Variants in GRM5 observed in about 807,000 individuals in gnomAD.
The protein encoded by GRM5 is metabotropic glutamate receptor 5.
A neutral mutation model predicts 83.1 loss-of-function variants in GRM5; 19 were observed. The ratio of observed to expected loss-of-function variants is 0.23; its 90% confidence interval spans 0.16 to 0.34. The LOEUF (loss-of-function observed/expected upper bound fraction) is 0.34, where lower values mean the gene tolerates loss of function less well. Among genes scored for constraint, GRM5 ranks in the 10% least tolerant of loss-of-function variants. GRM5 has a pLI of 1.00. For synonymous variants in GRM5, 675 were observed against 633.6 expected (o/e 1.07, Z -0.98); for missense variants, 1,160 against 1,588.3 (o/e 0.73, Z 4.58).
chr11:88,940,005 T>G (rs1291566275), intron 2 of GRM5, among the ~76,000 whole-genome samples: 1 of 151,902 alleles, frequency 6.6e-6, no homozygotes, highest in East Asian at 1.9e-4. Context: ...GATTGTAGAA[T>G]GTCTTTTATA....
intron 2 of GRM5, among the ~76,000 whole-genome samples, chr11:89,013,148 G>A (rs746295020): frequency 7.2e-5 from 11 of 152,240 alleles, no homozygotes; most frequent in South Asian, 2.1e-4. Context: ...AAGATAGCAC[G>A]TCGTGTTGCT....
At chr11:88,986,669 T>C (rs1465154853) in intron 2 of GRM5, among the ~76,000 whole-genome samples, 2 of 152,056 alleles carry the variant, frequency 1.3e-5, no homozygotes, top group African/African-American at 2.4e-5. Context: ...ATTTTGTTGC[T>C]TGTTTCCTTT....
At chr11:88,889,721 G>A (rs1945108457) in intron 2 of GRM5, among the ~76,000 whole-genome samples, 1 of 152,034 alleles carries the variant, frequency 6.6e-6, no homozygotes, top group Non-Finnish European at 1.5e-5. Flanking sequence ...TTTCTCAGTT[G>A]ACTAAATCAT....
At chr11:88,711,016 G>A (rs1278224826) in intron 3 of GRM5, among the ~76,000 whole-genome samples, 1 of 152,042 alleles carries the variant, frequency 6.6e-6, no homozygotes, top group Non-Finnish European at 1.5e-5. Flanking sequence ...GGAAATTTGA[G>A]GAAGATAAAT....
chr11:88,811,881 C>T lies in GRM5; in HGVS notation c.911+38025G>A, dbSNP rs561210841. 1.3e-4 allele frequency among the ~76,000 whole-genome samples: 20 copies of T among 152,162 alleles called. 1 individual carries two copies. Among genetic ancestry groups the T allele is most frequent in the African/African-American group, 4.3e-4 (18 of 41,536 alleles). ...CCCAGAGCTCAGTGGTACAAATTTACAGCACCTATCAGTGATAACAGCCAG... is the reference window on the plus strand; with the variant it reads ...CCCAGAGCTCAGTGGTACAAATTTATAGCACCTATCAGTGATAACAGCCAG... On this transcript the variant is annotated intron_variant, in intron 3 of 9. Coordinates refer to ENST00000305447, the MANE Select transcript of GRM5 (RefSeq NM_001143831.3).
At chr11:88,961,932 C>T (rs1040050702) in intron 2 of GRM5, among the ~76,000 whole-genome samples, 3 of 152,128 alleles carry the variant, frequency 2.0e-5, no homozygotes, top group African/African-American at 7.2e-5. Flanking sequence ...ACTGTAATAG[C>T]AGTTACTGTT....
chr11:88,549,268 A>T (rs1942450392), intron 8 of GRM5, among the ~76,000 whole-genome samples: 1 of 151,988 alleles, frequency 6.6e-6, no homozygotes, highest in Non-Finnish European at 1.5e-5. Flanking sequence ...GTTCAAGACC[A>T]AGTGGGGGCA....
At chr11:88,661,460 T>C (rs935231389) in intron 3 of GRM5, among the ~76,000 whole-genome samples, 2 of 144,016 alleles carry the variant, frequency 1.4e-5, no homozygotes, top group Admixed American at 1.4e-4. Context: ...CATCTCAGTA[T>C]TTTTTTTTTC....
intron 1 of GRM5, among the ~76,000 whole-genome samples, chr11:89,060,280 A>G (rs1159940747): frequency 2.9e-5 from 4 of 137,340 alleles, no homozygotes; most frequent in Admixed American, 1.4e-4. Context: ...ATATATATAT[A>G]TATATACACA....
rs116587147 is a variant in GRM5, at chr11:88,761,702, T to G, written c.911+88204A>C. Among the ~76,000 whole-genome samples, 573 of 152,092 alleles carry G rather than the reference T, an allele frequency of 3.8e-3. 1 individual carries two copies. Among genetic ancestry groups the G allele is most frequent in the African/African-American group, 0.013 (538 of 41,544 alleles). On this transcript the variant is annotated intron_variant, in intron 3 of 9. Coordinates refer to ENST00000305447, the MANE Select transcript of GRM5 (RefSeq NM_001143831.3). The stretch of plus-strand genomic sequence containing the variant: ...CTCTTCACAGAACTAGAAAAAACTA[T>G]TTTAAAATTCATCTGGAACCAAAAA...
chr11:88,709,424 A>G (rs1941234307), intron 3 of GRM5, among the ~76,000 whole-genome samples: 1 of 152,038 alleles, frequency 6.6e-6, no homozygotes, highest in Non-Finnish European at 1.5e-5. Context: ...AGGATCTGGG[A>G]TGACTTGATT....
intron 2 of GRM5, among the ~76,000 whole-genome samples, chr11:88,937,804 C>G (rs1590979112): frequency 6.6e-6 from 1 of 151,638 alleles, no homozygotes; most frequent in Non-Finnish European, 1.5e-5. Flanking sequence ...TATTCACATA[C>G]TAATACCTGT....
chr11:89,047,590 T>C lies in GRM5; in HGVS notation c.283A>G (p.Ile95Val). The part of the protein sequence containing the change: ...LLPNITLGCE[I>V]RDSCWHSAVA... ...GCCGAATGCCAGCAGGAGTCCCTTA[T>C]CTCACAGCCCAGTGTGATGTTGGGC... The change falls in exon 2 of 10, where the codon ATA (isoleucine) becomes GTA (valine). Residue 95 changes from isoleucine to valine, a missense_variant. By Grantham distance (29) the Ile-to-Val change is conservative. Around this residue, in one of 9 missense-constraint regions of GRM5, gnomAD observed 71 missense variants for 145.8 expected, o/e 0.49. Transcript: ENST00000305447. The surrounding 1 kb of genome is among the most constrained non-coding windows in gnomAD (Gnocchi z 5.1). 1 of 1,614,176 alleles carries C rather than the reference T, an allele frequency of 6.2e-7. No individual in the cohort carries two copies. Among genetic ancestry groups the C allele is most frequent in the Non-Finnish European group, 8.5e-7 (1 of 1,180,018 alleles).
At chr11:88,867,235 T>G (rs947822502) in intron 2 of GRM5, among the ~76,000 whole-genome samples, 8 of 151,944 alleles carry the variant, frequency 5.3e-5, no homozygotes, top group Non-Finnish European at 1.2e-4. Context: ...TTTTTTCTAA[T>G]TCTATGAATA....
At chr11:88,540,982 C>T (rs1370719361) in intron 8 of GRM5, among the ~76,000 whole-genome samples, 1 of 151,950 alleles carries the variant, frequency 6.6e-6, no homozygotes, top group East Asian at 1.9e-4. Context: ...AATCTCCTGA[C>T]CTTGTGATCC....
chr11:89,045,030 C>G (rs1941613744), intron 2 of GRM5, among the ~76,000 whole-genome samples: 1 of 152,128 alleles, frequency 6.6e-6, no homozygotes, highest in South Asian at 2.1e-4. Flanking sequence ...TATTCACATA[C>G]TTGCTTGGGA....
intron 2 of GRM5, among the ~76,000 whole-genome samples, chr11:88,994,641 T>C (rs919088443): frequency 6.7e-6 from 1 of 150,054 alleles, no homozygotes; most frequent in East Asian, 1.9e-4. Context: ...TAAAACACTT[T>C]GTTGGTGTTC....
At chr11:89,003,946 A>G (rs1032981749) in intron 2 of GRM5, among the ~76,000 whole-genome samples, 3 of 152,180 alleles carry the variant, frequency 2.0e-5, no homozygotes, top group African/African-American at 4.8e-5. Context: ...AGATATCCCA[A>G]TAAGTGATTC....
At chr11:88,544,082 C>CACATACACATACACAT (rs1555066101) in intron 8 of GRM5, among the ~76,000 whole-genome samples, 1 of 152,106 alleles carries the variant, frequency 6.6e-6, no homozygotes, top group Non-Finnish European at 1.5e-5. Context: ...CTCTCACACA[C>CACATACACATACACAT]ACACATACAC....
Sources: allele counts gnomAD v4.1 joint callset (sites outside exome capture counted in the v4.1 genomes callset), GRCh38; gene constraint gnomAD v4.1.1; regional missense constraint gnomAD v4.1.1; non-coding constraint Gnocchi (gnomAD v3.1); transcripts MANE v1.5; gene names NCBI Gene and HGNC (gene_info 2026-07-23, HGNC 2026-07-21).